The following FILIP1 variants were observed in gnomAD, a reference collection of about 807,000 sequenced individuals.
The protein encoded by FILIP1 is filamin A interacting protein 1.
A neutral mutation model predicts 102.1 loss-of-function variants in FILIP1; 61 were observed. The ratio of observed to expected loss-of-function variants is 0.60; its 90% CI spans 0.49 to 0.74. The LOEUF (loss-of-function observed/expected upper bound fraction) is 0.74, where lower values mean the gene tolerates loss of function less well. Among genes scored for constraint, FILIP1 ranks in the 30% least tolerant of loss-of-function variants. The pLI, the probability that FILIP1 is intolerant of heterozygous loss-of-function variation, is 0.00. For missense variants in FILIP1, 1,314 were observed against 1,441.2 expected (o/e 0.91, Z 1.43); for synonymous variants, 491 against 526.9 (o/e 0.93, Z 0.93).
chr6:75,293,103 A>G (rs1772582401), exon 7 of FILIP1: 1 of 152,186 alleles, frequency 6.6e-6, no homozygotes, highest in Non-Finnish European at 1.5e-5. Context: ...TACCAAAGAT[A>G]CCCTCATGAA....
intron 2 of FILIP1, among the ~76,000 whole-genome samples, chr6:75,369,611 G>C (rs1775450055): frequency 6.6e-6 from 1 of 152,068 alleles, no homozygotes; most frequent in Non-Finnish European, 1.5e-5. Flanking sequence ...GAGTAGGAAA[G>C]AATACTTAGT....
intron 2 of FILIP1, among the ~76,000 whole-genome samples, chr6:75,382,005 G>A (rs970088632): frequency 6.6e-6 from 1 of 152,178 alleles, no homozygotes; most frequent in African/African-American, 2.4e-5. Context: ...TGTAAGCACA[G>A]AGCAAAGGAA....
At chr6:75,402,438 G>A (rs1443227799) in intron 2 of FILIP1, among the ~76,000 whole-genome samples, 1 of 152,158 alleles carries the variant, frequency 6.6e-6, no homozygotes, top group Non-Finnish European at 1.5e-5. Flanking sequence ...TCACTGGGCA[G>A]CCTCGCTCAG....
intron 1 of FILIP1, among the ~76,000 whole-genome samples, chr6:75,444,066 G>GT (rs752073723): frequency 2.6e-5 from 4 of 152,142 alleles, no homozygotes; most frequent in Non-Finnish European, 4.4e-5. Context: ...GCAAATAATG[G>GT]TAAACACAAT....
chr6:75,447,282 C>G (rs968251395), intron 1 of FILIP1, among the ~76,000 whole-genome samples: 1 of 152,104 alleles, frequency 6.6e-6, no homozygotes, highest in African/African-American at 2.4e-5. Flanking sequence ...GCAAGAAACA[C>G]TGGAAATCAG....
At chr6:75,472,605 T>C (rs1779364143) in intron 1 of FILIP1, among the ~76,000 whole-genome samples, 2 of 152,142 alleles carry the variant, frequency 1.3e-5, no homozygotes, top group African/African-American at 4.8e-5. Flanking sequence ...TGGCCTATGA[T>C]TAAGATGGAA....
intron 2 of FILIP1, among the ~76,000 whole-genome samples, chr6:75,377,035 CA>C (rs1775773872): frequency 6.6e-6 from 1 of 152,066 alleles, no homozygotes; most frequent in African/African-American, 2.4e-5. Context: ...AACAATGCTA[CA>C]TAACACATTT....
rs1778272225 is a variant in FILIP1 at position 75,442,027 on chromosome 6, A to G, written c.-6-27049T>C. 4.2e-5 allele frequency among the ~76,000 whole-genome samples: 6 copies of G among 142,444 alleles called. No homozygotes were observed. The South Asian group carries it at 1.4e-3, about 33-fold the overall frequency. 93.4% of individuals were successfully genotyped at this position (142,444 alleles called of 152,430 possible). ...TGGCTGCTGGGCGGAGGGGCTCCTC[A>G]CTTCTGGGACGGGGCGGCTGCCGGG... On this transcript the variant is annotated intron_variant, in intron 1 of 5. Transcript: ENST00000237172.
intron 1 of FILIP1, among the ~76,000 whole-genome samples, chr6:75,442,040 G>T (rs914473977): frequency 6.6e-6 from 1 of 151,724 alleles, no homozygotes; most frequent in African/African-American, 2.4e-5. Context: ...TCTGGGACGG[G>T]GCGGCTGCCG....
At chr6:75,307,969 C>G (rs1023565013), downstream of FILIP1, 1 of 881,334 alleles carries the variant, frequency 1.1e-6, no homozygotes, top group South Asian at 5.2e-5. Context: ...GAATAGAGCA[C>G]GAGTCTGACA....
At chr6:75,457,984 C>T (rs1020609469) in intron 1 of FILIP1, among the ~76,000 whole-genome samples, 7 of 152,098 alleles carry the variant, frequency 4.6e-5, no homozygotes, top group African/African-American at 1.7e-4. Flanking sequence ...CTCACCCACC[C>T]CACCAATAAG....
At chr6:75,477,437 T>C (rs576547766) in intron 1 of FILIP1, among the ~76,000 whole-genome samples, 1 of 152,102 alleles carries the variant, frequency 6.6e-6, no homozygotes, top group Admixed American at 6.6e-5. Flanking sequence ...TGTCTCACTA[T>C]AAAAAATGAT....
At chr6:75,339,067 A>C (rs1054756680) in intron 4 of FILIP1, among the ~76,000 whole-genome samples, 2 of 152,236 alleles carry the variant, frequency 1.3e-5, no homozygotes, top group African/African-American at 4.8e-5. Context: ...TGCCTGGATT[A>C]CAAGTGATAG....
intron 1 of FILIP1, among the ~76,000 whole-genome samples, chr6:75,424,032 C>CAT (rs377270117): frequency 3.4e-4 from 52 of 152,272 alleles, no homozygotes; most frequent in African/African-American, 1.2e-3. Flanking sequence ...TCCTGACACA[C>CAT]TGATAACAGC....
chr6:75,359,892 A>G (rs1242777129), intron 3 of FILIP1, among the ~76,000 whole-genome samples: 1 of 152,196 alleles, frequency 6.6e-6, no homozygotes, highest in Non-Finnish European at 1.5e-5. Context: ...AAAAAGAAAA[A>G]GATCAAAGAG....
chr6:75,478,399 T>C (rs1779550519), intron 1 of FILIP1, among the ~76,000 whole-genome samples: 1 of 152,192 alleles, frequency 6.6e-6, no homozygotes, highest in Non-Finnish European at 1.5e-5. Flanking sequence ...GAGAATTATT[T>C]ACCACCTTCA....
intron 4 of FILIP1, among the ~76,000 whole-genome samples, chr6:75,337,574 G>A (rs1475941444): frequency 6.6e-6 from 1 of 151,406 alleles, no homozygotes; most frequent in Non-Finnish European, 1.5e-5. Context: ...AGAGCAGGGT[G>A]TGCTCCAGAA....
rs760642819 is a variant in FILIP1 at position 75,397,034 on chromosome 6, AG to A, written c.276+17662del. Among the ~76,000 whole-genome samples, 413 of 102,902 alleles carry A rather than the reference AG, an allele frequency of 4.0e-3. 3 individuals carry two copies. Among genetic ancestry groups the A allele is most frequent in the Non-Finnish European group, 6.7e-3 (348 of 52,072 alleles). The allele number at this position is 102,902 out of a possible 152,430, so 67.5% of individuals were successfully genotyped here. On this transcript the variant is annotated intron_variant, in intron 2 of 5. Coordinates refer to ENST00000237172, the MANE Select transcript of FILIP1 (RefSeq NM_015687.5). ...CTATTGTGGGGTGGGGGGAGGGGGGAGGGATAGCATTAGGAGATATACCTAA... is the reference window on the plus strand; with the variant it reads ...CTATTGTGGGGTGGGGGGAGGGGGGAGGATAGCATTAGGAGATATACCTAA...
intron 2 of FILIP1, among the ~76,000 whole-genome samples, chr6:75,374,212 C>T (rs1201730194): frequency 6.6e-6 from 1 of 152,028 alleles, no homozygotes; most frequent in Non-Finnish European, 1.5e-5. Flanking sequence ...CACAGGTTCC[C>T]CCATGCAGTG....
Sources: gnomAD v4.1 joint callset for allele counts (sites outside exome capture counted in the v4.1 genomes callset) on GRCh38, gnomAD v4.1.1 for gene constraint, MANE v1.5 for transcripts, NCBI Gene and HGNC (gene_info 2026-07-23, HGNC 2026-07-21) for gene names.